ZNF549: variants seen among roughly 807,000 people sequenced by gnomAD.
ZNF549 encodes zinc finger protein 549.
Under a neutral mutation model 11.1 loss-of-function variants are expected in ZNF549, and 11 were observed. The ratio of observed to expected loss-of-function variants is 0.99; its 90% CI spans 0.62 to 1.64. ZNF549 has a LOEUF of 1.64. Ranked by LOEUF, ZNF549 falls within the 40% of genes most tolerant of loss-of-function variation. The pLI, the probability that ZNF549 is intolerant of heterozygous loss-of-function variation, is 0.00. For missense variants in ZNF549, 748 were observed against 765.1 expected, an observed-to-expected ratio of 0.98 and a Z score of 0.26; for synonymous variants, 266 against 269.1, an observed-to-expected ratio of 0.99 and a Z score of 0.11.
chr19:57,538,368 T>C lies in ZNF549; in HGVS notation c.1364T>C (p.Ile455Thr), dbSNP rs777738096. 1.2e-6 allele frequency: 2 copies of C among 1,613,766 alleles called. No individual in the cohort carries two copies. Among genetic ancestry groups the C allele is most frequent in the South Asian group, 2.2e-5 (2 of 91,054 alleles). ...YVCIICGKSF[I>T]RSSDYMRHQR... ...TGCATCATATGTGGGAAATCATTTA[T>C]CCGCTCGTCTGACTACATGCGACAC... is the stretch of plus-strand genomic sequence containing the variant. The change falls in exon 4 of 4, where the codon ATC (isoleucine) becomes ACC (threonine). Residue 455 changes from isoleucine (I) to threonine (T), a missense_variant. By Grantham distance (89) the Ile-to-Thr change is moderately conservative (BLOSUM62 -1). Transcript: ENST00000376233.
chr19:57,535,365 G>A (rs2089919997), intron 3 of ZNF549, 95 bp downstream of exon 3: 2 of 1,486,468 alleles, frequency 1.3e-6, no homozygotes, highest in African/African-American at 1.4e-5. Context: ...TTGGACATGG[G>A]CCCTTCTTCT....
At chr19:57,530,580 A>G (rs1372064978) in intron 1 of ZNF549, among the ~76,000 whole-genome samples, 1 of 152,190 alleles carries the variant, frequency 6.6e-6, no homozygotes, top group East Asian at 1.9e-4. Flanking sequence ...TGCCATATGA[A>G]GTGAGGGCAG....
intron 1 of ZNF549, among the ~76,000 whole-genome samples, chr19:57,530,510 A>T (rs1376524477): frequency 6.6e-6 from 1 of 152,200 alleles, no homozygotes; most frequent in Non-Finnish European, 1.5e-5. Flanking sequence ...AGGTCATGGC[A>T]GCCCCCAAAT....
chr19:57,527,718 G>C, intron 1 of ZNF549, 112 bp downstream of exon 1: 1 of 1,349,358 alleles, frequency 7.4e-7, no homozygotes, highest in South Asian at 1.3e-5. Context: ...GGAGTTCTGG[G>C]TGGGGTCCTC....
chr19:57,534,550 G>A (rs1436468339), intron 2 of ZNF549, among the ~76,000 whole-genome samples: 1 of 152,186 alleles, frequency 6.6e-6, no homozygotes, highest in Non-Finnish European at 1.5e-5. Flanking sequence ...TATGACTGGT[G>A]TGGGGACAGC....
In ZNF549 at chr19:57,540,297, A is replaced by G. The variant is rs1192200796; in HGVS notation, c.*1370A>G. 1 of 152,226 alleles carries G rather than the reference A, an allele frequency of 6.6e-6. No homozygotes were observed. Among genetic ancestry groups the G allele is most frequent in the Non-Finnish European group, 1.5e-5 (1 of 68,044 alleles). The allele number at this position is 152,226 out of a possible 1,614,324, so 9.4% of individuals were successfully genotyped here. On this transcript the variant is annotated 3_prime_UTR_variant, in exon 4 of 4. Transcript: ENST00000376233. The stretch of plus-strand genomic sequence containing the variant: ...GTTATCCTATAGTCTGGTTTTCCAA[A>G]AGGAGAGGTAGATGCATATTTTTGT...
At chr19:57,531,869 T>C (rs1016587418) in intron 2 of ZNF549, among the ~76,000 whole-genome samples, 2 of 152,200 alleles carry the variant, frequency 1.3e-5, no homozygotes, top group Non-Finnish European at 2.9e-5. Flanking sequence ...ATTTCTGGAA[T>C]TATCCATGTA....
Position 57,537,777 on chromosome 19 carries a change from CTAAA to C in ZNF549, c.776_779del (p.Lys259ThrfsTer54). 1 of 1,614,102 alleles carries C rather than the reference CTAAA, an allele frequency of 6.2e-7. No individual in the cohort carries two copies. Among genetic ancestry groups the C allele is most frequent in the Non-Finnish European group, 8.5e-7 (1 of 1,180,002 alleles). Reference sequence around the variant, plus strand: ...AGGGAATATGGGAAATCCTTGAACTCTAAATACTTATTTGTTGAACACCAGAGAA... The same window carrying C: ...AGGGAATATGGGAAATCCTTGAACTCTACTTATTTGTTGAACACCAGAGAA... On this transcript the variant is annotated frameshift_variant, in exon 4 of 4. Coordinates refer to ENST00000376233, the MANE Select transcript of ZNF549 (RefSeq NM_001199295.2). LOFTEE classifies it low-confidence loss of function (END_TRUNC).
chr19:57,535,001 C>T, intron 2 of ZNF549, 143 bp from the exon 3 acceptor site: 1 of 1,046,386 alleles, frequency 9.6e-7, no homozygotes, highest in Non-Finnish European at 1.3e-6. Context: ...GATGAGATTC[C>T]ATGATGTAAG....
Position 57,531,180 on chromosome 19 carries a change from GTAACAATAAT to G in ZNF549, c.72+73_72+82del. 3 of 1,514,268 alleles carry G rather than the reference GTAACAATAAT, an allele frequency of 2.0e-6. No individual in the cohort carries two copies. In the South Asian group the frequency reaches 3.4e-5, roughly 17 times the overall value. 93.8% of individuals were successfully genotyped at this position (1,514,268 alleles called of 1,614,324 possible). A position where few individuals can be genotyped will look rare whatever the true frequency, so the allele number is the denominator to read the frequency against. ...CCATGGGTCTGGCCCACAGATGCAG[GTAACAATAAT>G]GTCCTGGGACTCTTTTTCCTTCATC... is the stretch of plus-strand genomic sequence containing the variant. On this transcript the variant is annotated intron_variant, in intron 2 of 3. Coordinates refer to ENST00000376233, the MANE Select transcript of ZNF549 (RefSeq NM_001199295.2).
chr19:57,538,411 A>T lies in ZNF549; in HGVS notation c.1407A>T (p.Gly469=). Residue 469 remains glycine, a synonymous_variant, in exon 4 of 4, where the codon GGA becomes GGT. Transcript: ENST00000376233. The part of the protein sequence containing the change: ...DYMRHQRIHT[G]ERAYECSDCG... ...TGCGACACCAGAGAATTCACACTGG[A>T]GAAAGGGCTTATGAATGCAGTGACT... 1 of 1,614,220 alleles carries T rather than the reference A, an allele frequency of 6.2e-7. No individual in the cohort carries two copies. The highest frequency in any genetic ancestry group is 8.5e-7 in the Non-Finnish European group (1 of 1,180,044).
rs753921554 is a variant in ZNF549, at chr19:57,537,255, C to A, written c.251C>A (p.Ser84Tyr). 1.2e-6 allele frequency: 2 copies of A among 1,614,188 alleles called. No homozygotes were observed. The highest frequency in any genetic ancestry group is 2.2e-5 in the South Asian group (2 of 91,084). Residue 84 changes from serine (S) to tyrosine (Y), a missense_variant, in exon 4 of 4, where the codon TCT becomes TAT. By Grantham distance (144) the Ser-to-Tyr change is moderately radical (BLOSUM62 -2). Transcript: ENST00000376233. ...GAGGCCCCTTCTGAGCAGACTCTTT[C>A]TGCGCAAGGAGTGTCACAGGCCAGG... Reference protein sequence around the residue: ...AEEAPSEQTLSAQGVSQARTP... With the variant: ...AEEAPSEQTLYAQGVSQARTP...
chr19:57,537,429 C>T lies in ZNF549; in HGVS notation c.425C>T (p.Ser142Leu). 6.2e-7 allele frequency: 1 copy of T among 1,614,178 alleles called. No individual in the cohort carries two copies. Among genetic ancestry groups the T allele is most frequent in the Non-Finnish European group, 8.5e-7 (1 of 1,180,038 alleles). The part of the protein sequence containing the change: ...YTSVASGKWF[S>L]FGSNLQQHQN... ...TCTGTGGCCAGTGGGAAATGGTTTT[C>T]ATTTGGTTCTAACCTGCAACAGCAC... Residue 142 changes from serine to leucine, a missense_variant, in exon 4 of 4, where the codon TCA becomes TTA. Transcript: ENST00000376233.
intron 2 of ZNF549, 84 bp from the exon 3 acceptor site, chr19:57,535,060 G>T: frequency 6.5e-7 from 1 of 1,548,622 alleles, no homozygotes; most frequent in South Asian, 1.2e-5. Context: ...TCTCCTCTGA[G>T]TTGGAGAACT....
rs2089945966 is a variant in ZNF549 at position 57,539,560 on chromosome 19, C to A, written c.*633C>A. On this transcript the variant is annotated 3_prime_UTR_variant, in exon 4 of 4. Transcript: ENST00000376233. The stretch of plus-strand genomic sequence containing the variant: ...CTTAATTTTTATTGGTTTCCAAGGT[C>A]TCCTAGGAAGGAGAGCAGAGCTGTG... 1 of 152,236 alleles carries A rather than the reference C, an allele frequency of 6.6e-6. No individual in the cohort carries two copies. The highest frequency in any genetic ancestry group is 2.4e-5 in the African/African-American group (1 of 41,432). The allele number at this position is 152,236 out of a possible 1,614,324, so 9.4% of individuals were successfully genotyped here. A position where few individuals can be genotyped will look rare whatever the true frequency, so the allele number is the denominator to read the frequency against.
Position 57,527,717 on chromosome 19 carries a change from G to A in ZNF549, c.33+111G>A, listed in dbSNP as rs543659679. 2.7e-5 allele frequency: 36 copies of A among 1,358,030 alleles called. No homozygotes were observed. The African/African-American group carries it at 4.5e-4, about 17-fold the overall frequency. The allele number at this position is 1,358,030 out of a possible 1,614,324, so 84.1% of individuals were successfully genotyped here. A position where few individuals can be genotyped will look rare whatever the true frequency, so the allele number is the denominator to read the frequency against. ...TTCTCCAGGACAGCGAGGAGTTCTG[G>A]GTGGGGTCCTCAGAGCTGACGGGCG... On this transcript the variant is annotated intron_variant, in intron 1 of 3. Coordinates refer to ENST00000376233, the MANE Select transcript of ZNF549 (RefSeq NM_001199295.2).
chr19:57,539,441 T>C lies in ZNF549; in HGVS notation c.*514T>C, dbSNP rs1422353455. ...GGCTGTCTTACCATGTGCTGATGTA[T>C]GTGCTCTGCCAGTGTGAAGGGTGAA... On this transcript the variant is annotated 3_prime_UTR_variant, in exon 4 of 4. Coordinates refer to ENST00000376233, the MANE Select transcript of ZNF549 (RefSeq NM_001199295.2). 1 of 154,370 alleles carries C rather than the reference T, an allele frequency of 6.5e-6. No individual in the cohort carries two copies. Among genetic ancestry groups the C allele is most frequent in the Non-Finnish European group, 1.4e-5 (1 of 69,476 alleles). 9.6% of individuals were successfully genotyped at this position (154,370 alleles called of 1,614,324 possible).
intron 3 of ZNF549, chr19:57,535,492 T>C (rs2089920647): frequency 3.8e-6 from 2 of 525,882 alleles, no homozygotes; most frequent in Non-Finnish European, 6.4e-6. Context: ...GTTCAGACTC[T>C]TGTAACTTGC....
Position 57,537,500 on chromosome 19 carries a change from A to G in ZNF549, c.496A>G (p.Ser166Gly). The change falls in exon 4 of 4, where the codon AGT (serine) becomes GGT (glycine). Residue 166 changes from serine (S) to glycine (G), a missense_variant. Transcript: ENST00000376233. The stretch of plus-strand genomic sequence containing the variant: ...GAAACACATCAGAAAGGAGGAGAGC[A>G]GTGCCTTGCTTCTGAATAGCTGCAA... The part of the protein sequence containing the change: ...GEKHIRKEES[S>G]ALLLNSCKIP... 1 of 1,614,258 alleles carries G rather than the reference A, an allele frequency of 6.2e-7. No individual in the cohort carries two copies. Among genetic ancestry groups the G allele is most frequent in the East Asian group, 2.2e-5 (1 of 44,888 alleles).
Sources: allele counts gnomAD v4.1 joint callset (sites outside exome capture counted in the v4.1 genomes callset), GRCh38; gene constraint gnomAD v4.1.1; transcripts MANE v1.5; gene names NCBI Gene and HGNC (gene_info 2026-07-23, HGNC 2026-07-21).